Variants in NAALADL2 observed in about 807,000 individuals in gnomAD.
NAALADL2 encodes inactive N-acetylated-alpha-linked acidic dipeptidase-like protein 2.
NAALADL2 carries 76 observed loss-of-function variants against 87.2 expected under a neutral mutation model. That is an observed-to-expected ratio of 0.87 (90% confidence interval 0.72 to 1.05). NAALADL2 has a LOEUF of 1.05. NAALADL2 is among the 50% of genes least tolerant of loss of function. The pLI is 0.00. For missense variants in NAALADL2, 1,089 were observed against 945.8 expected (o/e 1.15, Z -1.99); for synonymous variants, 354 against 331.0 (o/e 1.07, Z -0.75).
intron 5 of NAALADL2, among the ~76,000 whole-genome samples, chr3:175,403,527 AT>A (rs889626124): frequency 2.6e-5 from 4 of 151,816 alleles, no homozygotes; most frequent in East Asian, 1.9e-4. Flanking sequence ...AATATCGTAT[AT>A]TTTTTTTCTG....
intron 2 of NAALADL2, among the ~76,000 whole-genome samples, chr3:175,119,692 T>TATAGATATAGATATAGATATAGATATAG (rs374637601): frequency 0.017 from 2,532 of 145,306 alleles, 42 homozygotes; most frequent in East Asian, 0.033. Context: ...AAGGTGTGTA[T>TATAGATATAGATATAGATATAGATATAG]ATATAGATAT....
At chr3:175,204,317 C>G (rs181985376) in intron 2 of NAALADL2, among the ~76,000 whole-genome samples, 1 of 152,078 alleles carries the variant, frequency 6.6e-6, no homozygotes, top group Non-Finnish European at 1.5e-5. Context: ...ATGTGATATA[C>G]CACATCAACA....
chr3:174,666,211 TAA>T (rs1484986603), intron 2 of NAALADL2, among the ~76,000 whole-genome samples: 1 of 152,188 alleles, frequency 6.6e-6, no homozygotes, highest in African/African-American at 2.4e-5. Flanking sequence ...ATATTTCTAT[TAA>T]GTCAAAAATA....
intron 1 of NAALADL2, among the ~76,000 whole-genome samples, chr3:174,522,248 A>G (rs1346082154): frequency 6.6e-6 from 1 of 152,206 alleles, no homozygotes; most frequent in Non-Finnish European, 1.5e-5. Context: ...TGAGTGTTTT[A>G]TGTCTCTCTT....
chr3:174,797,601 T>C (rs1718298178), intron 3 of NAALADL2, among the ~76,000 whole-genome samples: 1 of 152,104 alleles, frequency 6.6e-6, no homozygotes, highest in Admixed American at 6.5e-5. Context: ...AACCTGGTAG[T>C]ATAGTTTGAA....
At chr3:174,927,183 T>C (rs1736188091) in intron 1 of NAALADL2, among the ~76,000 whole-genome samples, 1 of 152,122 alleles carries the variant, frequency 6.6e-6, no homozygotes, top group South Asian at 2.1e-4. Context: ...ATGCACCCAA[T>C]ACAGGAGCAC....
intron 4 of NAALADL2, among the ~76,000 whole-genome samples, chr3:175,263,667 T>C (rs1164753731): frequency 6.6e-6 from 1 of 151,788 alleles, no homozygotes; most frequent in Non-Finnish European, 1.5e-5. Context: ...GTGCTGAGCA[T>C]CTTGTTTTTC....
chr3:175,718,730 A>T, intron 11 of NAALADL2: 1 of 1,214,786 alleles, frequency 8.2e-7, no homozygotes, highest in Non-Finnish European at 1.2e-6. Context: ...GATCAAGACC[A>T]ACCTGGGCAA....
At chr3:174,665,256 G>T (rs1450059777) in intron 2 of NAALADL2, among the ~76,000 whole-genome samples, 4 of 152,190 alleles carry the variant, frequency 2.6e-5, no homozygotes, top group Middle Eastern at 3.4e-3. Context: ...AGAAAAATAG[G>T]AAATAAATTA....
At chr3:175,120,388 A>C (rs369482257) in intron 2 of NAALADL2, among the ~76,000 whole-genome samples, 34 of 151,922 alleles carry the variant, frequency 2.2e-4, no homozygotes, top group African/African-American at 8.2e-4. Context: ...GTGTTTGTAG[A>C]GGCATCTGGT....
intron 2 of NAALADL2, among the ~76,000 whole-genome samples, chr3:174,712,378 TTC>T (rs1730728402): frequency 8.0e-6 from 1 of 125,424 alleles, no homozygotes; most frequent in Non-Finnish European, 1.7e-5. Context: ...ACTTCTCCTC[TTC>T]TTTTTTTTTT....
chr3:175,164,504 C>T (rs1580755386), intron 2 of NAALADL2, among the ~76,000 whole-genome samples: 2 of 152,072 alleles, frequency 1.3e-5, no homozygotes, highest in African/African-American at 4.8e-5. Context: ...ATCGATTTTA[C>T]TATTTATAAC....
chr3:175,110,541 C>T (rs1311941434), intron 2 of NAALADL2, among the ~76,000 whole-genome samples: 4 of 151,580 alleles, frequency 2.6e-5, no homozygotes, highest in Non-Finnish European at 5.9e-5. Context: ...AGAAGTTGGG[C>T]CAGAGGATTT....
At chr3:174,653,021 A>G (rs1724533389) in intron 2 of NAALADL2, among the ~76,000 whole-genome samples, 1 of 152,166 alleles carries the variant, frequency 6.6e-6, no homozygotes, top group African/African-American at 2.4e-5. Flanking sequence ...CACACTACAC[A>G]CTAACTGTAA....
intron 2 of NAALADL2, among the ~76,000 whole-genome samples, chr3:175,216,942 C>A (rs1010816510): frequency 6.6e-6 from 1 of 152,136 alleles, no homozygotes; most frequent in African/African-American, 2.4e-5. Flanking sequence ...GTTGGGATTA[C>A]AGGCGTGAGC....
intron 4 of NAALADL2, among the ~76,000 whole-genome samples, chr3:175,300,625 G>A (rs1756937908): frequency 6.6e-6 from 1 of 151,876 alleles, no homozygotes; most frequent in Non-Finnish European, 1.5e-5. Context: ...TGTGGGATCA[G>A]TGGTGATCCC....
chr3:174,479,144 T>A (rs944924609), intron 1 of NAALADL2, among the ~76,000 whole-genome samples: 1 of 152,204 alleles, frequency 6.6e-6, no homozygotes, highest in Admixed American at 6.6e-5. Context: ...TTTCGTCATC[T>A]TATAGTCATA....
At chr3:175,444,771 T>C (rs1720419464) in intron 5 of NAALADL2, among the ~76,000 whole-genome samples, 1 of 152,200 alleles carries the variant, frequency 6.6e-6, no homozygotes, top group South Asian at 2.1e-4. Context: ...CTGTTATCTA[T>C]ATAAGGGAGC....
intron 13 of NAALADL2, among the ~76,000 whole-genome samples, chr3:175,769,157 T>A (rs955914508): frequency 6.6e-6 from 1 of 152,216 alleles, no homozygotes; most frequent in Non-Finnish European, 1.5e-5. Context: ...TATCTAAAAT[T>A]ACTACTGATT....
Sources: gnomAD v4.1 joint callset for allele counts (sites outside exome capture counted in the v4.1 genomes callset) on GRCh38, gnomAD v4.1.1 for gene constraint, MANE v1.5 for transcripts, NCBI Gene and HGNC (gene_info 2026-07-23, HGNC 2026-07-21) for gene names.